Variants in PNKD observed in about 807,000 individuals in gnomAD.
PNKD encodes probable thioesterase PNKD.
PNKD carries 36 observed loss-of-function variants against 45.3 expected under a neutral mutation model. The ratio of observed to expected loss-of-function variants is 0.80; its 90% confidence interval spans 0.61 to 1.05. The LOEUF (loss-of-function observed/expected upper bound fraction) is 1.05. PNKD is among the 50% of genes least tolerant of loss of function. PNKD has a pLI of 0.00. For missense variants in PNKD, 511 were observed against 506.6 expected, an observed-to-expected ratio of 1.01 and a Z score of -0.08; for synonymous variants, 197 against 210.1, an observed-to-expected ratio of 0.94 and a Z score of 0.54.
At chr2:218,288,647 CG>C (rs1298549478) in intron 2 of PNKD, among the ~76,000 whole-genome samples, 1 of 152,240 alleles carries the variant, frequency 6.6e-6, no homozygotes, top group Admixed American at 6.5e-5. Context: ...AGATTAGGGA[CG>C]CTCAACCAGT....
At chr2:218,330,322 G>A (rs1026146741) in intron 2 of PNKD, among the ~76,000 whole-genome samples, 1 of 152,200 alleles carries the variant, frequency 6.6e-6, no homozygotes, top group African/African-American at 2.4e-5. Flanking sequence ...ATGGCCCCAC[G>A]GAGGAGAGAA....
At chr2:218,339,570 T>C (rs1694606166) in intron 2 of PNKD, among the ~76,000 whole-genome samples, 1 of 152,104 alleles carries the variant, frequency 6.6e-6, no homozygotes, top group African/African-American at 2.4e-5. Context: ...GTCTCCCTGA[T>C]AGATTTTGAG....
intron 2 of PNKD, among the ~76,000 whole-genome samples, chr2:218,311,398 T>TG (rs1211046930): frequency 6.6e-6 from 1 of 152,160 alleles, no homozygotes; most frequent in Non-Finnish European, 1.5e-5. Flanking sequence ...CCCGCACCGG[T>TG]GCCGGCCTCT....
In PNKD at chr2:218,313,109, A is replaced by ATT. The variant is rs146265094; in HGVS notation, c.237-26662_237-26661dup. Among the ~76,000 whole-genome samples, 168 of 147,220 alleles carry ATT rather than the reference A, an allele frequency of 1.1e-3. 1 individual carries two copies. Among genetic ancestry groups the ATT allele is most frequent in the Middle Eastern group, 3.4e-3 (1 of 292 alleles). On this transcript the variant is annotated intron_variant, in intron 2 of 9. Coordinates refer to ENST00000273077, the MANE Select transcript of PNKD (RefSeq NM_015488.5). Reference sequence around the variant, plus strand: ...CTACCAGGAAATTAATCTTTATACAATTTTTTTTTTTTTGGAGACAGTCTC... The same window carrying ATT: ...CTACCAGGAAATTAATCTTTATACAATTTTTTTTTTTTTTTGGAGACAGTCTC...
At chr2:218,337,580 C>T (rs1462396591) in intron 2 of PNKD, among the ~76,000 whole-genome samples, 1 of 152,194 alleles carries the variant, frequency 6.6e-6, no homozygotes, top group Non-Finnish European at 1.5e-5. Flanking sequence ...ACACCTCTGT[C>T]TTTGTGCACT....
chr2:218,322,857 A>T (rs1694024588), intron 2 of PNKD, among the ~76,000 whole-genome samples: 1 of 152,234 alleles, frequency 6.6e-6, no homozygotes, highest in South Asian at 2.1e-4. Context: ...CGAATGAATA[A>T]ATCCATGAAT....
chr2:218,342,741 C>G (rs137895511), intron 7 of PNKD, among the ~76,000 whole-genome samples: 1,959 of 151,976 alleles, frequency 0.013, 49 homozygotes, highest in African/African-American at 0.044. Context: ...TAATATAGGC[C>G]AGGAGCAGTG....
chr2:218,280,872 C>G (rs1381356988), intron 2 of PNKD: 2 of 131,788 alleles, frequency 1.5e-5, no homozygotes. Flanking sequence ...AGTGCAAAGG[C>G]GTGATCTCGG....
At chr2:218,308,151 GTCAA>G (rs1559518444) in intron 2 of PNKD, among the ~76,000 whole-genome samples, 1 of 150,696 alleles carries the variant, frequency 6.6e-6, no homozygotes, top group Non-Finnish European at 1.5e-5. Flanking sequence ...TACCCCATGA[GTCAA>G]TCAACCAAAG....
chr2:218,330,240 C>A (rs768541768), intron 2 of PNKD, among the ~76,000 whole-genome samples: 23 of 152,296 alleles, frequency 1.5e-4, no homozygotes, highest in African/African-American at 4.6e-4. Context: ...GGCCTGAGGC[C>A]GGCCCTGGGC....
chr2:218,313,903 C>CTTTTTTTTTTTTT (rs10550174), intron 2 of PNKD, among the ~76,000 whole-genome samples: 22 of 77,672 alleles, frequency 2.8e-4, no homozygotes, highest in Admixed American at 6.8e-4. Context: ...TTCTTTATTT[C>CTTTTTTTTTTTTT]TTTTTTTTTT....
chr2:218,345,052 T>G lies in PNKD; in HGVS notation c.*71T>G. The G allele has an allele frequency of 1.7e-6, 2 of 1,204,538 alleles. No individual in the cohort carries two copies. The highest frequency in any genetic ancestry group is 2.4e-6 in the Non-Finnish European group (2 of 843,196). 74.6% of individuals were successfully genotyped at this position (1,204,538 alleles called of 1,614,324 possible). Reference sequence around the variant, plus strand: ...CGCCACCACCAACACCTCATCATCCTTCTCATCGCTAACACCACCACCTCC... The same window carrying G: ...CGCCACCACCAACACCTCATCATCCGTCTCATCGCTAACACCACCACCTCC... On this transcript the variant is annotated 3_prime_UTR_variant, in exon 10 of 10. Transcript: ENST00000273077.
chr2:218,295,227 C>G (rs576712321), intron 2 of PNKD, among the ~76,000 whole-genome samples: 38 of 152,194 alleles, frequency 2.5e-4, no homozygotes, highest in African/African-American at 8.9e-4. Flanking sequence ...TGGGCCTTAT[C>G]TGCAAAATTA....
intron 2 of PNKD, chr2:218,279,231 G>T (rs1225957644): frequency 1.3e-6 from 2 of 1,558,938 alleles, no homozygotes; most frequent in Admixed American, 1.8e-5. Flanking sequence ...CACACCCCCA[G>T]CAGGTGACCC....
At chr2:218,307,752 T>C (rs2106257224) in intron 2 of PNKD, among the ~76,000 whole-genome samples, 1 of 152,194 alleles carries the variant, frequency 6.6e-6, no homozygotes, top group East Asian at 1.9e-4. Flanking sequence ...ATACAGGTGG[T>C]AGCCTGTAAG....
At chr2:218,337,051 C>T (rs903527017) in intron 2 of PNKD, among the ~76,000 whole-genome samples, 1 of 151,742 alleles carries the variant, frequency 6.6e-6, no homozygotes, top group Admixed American at 6.6e-5. Flanking sequence ...CTACCAGCCT[C>T]TGCCTTCCAA....
At chr2:218,289,871 T>C (rs1232462437) in intron 2 of PNKD, 1 of 152,258 alleles carries the variant, frequency 6.6e-6, no homozygotes, top group Non-Finnish European at 1.5e-5. Context: ...GTCTGGACCC[T>C]ACGGCCAGCT....
intron 2 of PNKD, among the ~76,000 whole-genome samples, chr2:218,294,591 A>C (rs536178772): frequency 6.6e-6 from 1 of 152,082 alleles, no homozygotes; most frequent in African/African-American, 2.4e-5. Flanking sequence ...AATCCTTCCA[A>C]CTCAGCCTCC....
intron 2 of PNKD, chr2:218,275,891 C>T: frequency 9.0e-7 from 1 of 1,115,834 alleles, no homozygotes; most frequent in Non-Finnish European, 1.3e-6. Flanking sequence ...AATGGAATCT[C>T]TGGACAGTAG....
Sources: allele counts gnomAD v4.1 joint callset (sites outside exome capture counted in the v4.1 genomes callset), GRCh38; gene constraint gnomAD v4.1.1; transcripts MANE v1.5; gene names NCBI Gene and HGNC (gene_info 2026-07-23, HGNC 2026-07-21).